SPATA6L: variants seen among roughly 807,000 people sequenced by gnomAD.
The protein encoded by SPATA6L is spermatogenesis associated 6 like, also known as spermatogenesis associated 6-like protein.
A neutral mutation model predicts 49.2 loss-of-function variants in SPATA6L; 68 were observed. The observed-to-expected ratio is 1.38, with a 90% CI of 1.14 to 1.69. The LOEUF (loss-of-function observed/expected upper bound fraction) is 1.69. Ranked by LOEUF, SPATA6L falls within the 40% of genes most tolerant of loss-of-function variation. SPATA6L has a pLI of 0.00. For missense variants in SPATA6L, 668 were observed against 464.3 expected (o/e 1.44, Z -4.03); for synonymous variants, 198 against 165.7 (o/e 1.19, Z -1.50).
intron 3 of SPATA6L, among the ~76,000 whole-genome samples, chr9:4,642,722 C>G (rs1752061781): frequency 2.0e-5 from 3 of 152,076 alleles, no homozygotes. Context: ...AAAGCACACA[C>G]CATAAAACAT....
chr9:4,603,211 C>T (rs1434029571), intron 11 of SPATA6L, among the ~76,000 whole-genome samples: 1 of 152,174 alleles, frequency 6.6e-6, no homozygotes, highest in Non-Finnish European at 1.5e-5. Context: ...GCAGGCAGAT[C>T]ACGAGGTCAG....
chr9:4,592,377 T>C (rs927270649), intron 13 of SPATA6L, among the ~76,000 whole-genome samples: 2 of 151,970 alleles, frequency 1.3e-5, no homozygotes, highest in Non-Finnish European at 2.9e-5. Context: ...GACGTTGGCA[T>C]TGCAATTACT....
At chr9:4,649,600 G>A (rs1219167905) in intron 3 of SPATA6L, among the ~76,000 whole-genome samples, 3 of 152,198 alleles carry the variant, frequency 2.0e-5, no homozygotes, top group African/African-American at 7.2e-5. Context: ...TCAGTTCTCA[G>A]GGACTGTCCT....
At position 4,662,838 on chromosome 9, in the gene SPATA6L, T is replaced by C; in HGVS notation, c.40-802A>G. The C allele has an allele frequency of 6.2e-7, 1 of 1,605,290 alleles. No homozygotes were observed. Among genetic ancestry groups the C allele is most frequent in the Non-Finnish European group, 8.5e-7 (1 of 1,179,950 alleles). On this transcript the variant is annotated intron_variant, in intron 1 of 11. Coordinates refer to ENST00000682582, the MANE Select transcript of SPATA6L (RefSeq NM_001353486.2). The surrounding 1 kb of genome is among the most constrained non-coding windows in gnomAD (Gnocchi z 4.9). Reference sequence around the variant, plus strand: ...GCTGCTGGGCACCCTCTACTGCCTGTGCAGGAGCGACAGCTGGGCCGGGCG... The same window carrying C: ...GCTGCTGGGCACCCTCTACTGCCTGCGCAGGAGCGACAGCTGGGCCGGGCG...
At chr9:4,655,294 C>A (rs72694090) in intron 3 of SPATA6L, among the ~76,000 whole-genome samples, 3,224 of 152,232 alleles carry the variant, frequency 0.021, 54 homozygotes, top group South Asian at 0.063. Flanking sequence ...CACAAAGGAG[C>A]ACATGTTGTA....
chr9:4,600,493 C>CGGAGAGAGAGAGAGAGAG lies in SPATA6L; in HGVS notation c.*317_*318insCTCTCTCTCTCTCTCTCC, dbSNP rs1822964936. On this transcript the variant is annotated 3_prime_UTR_variant, in exon 12 of 12. Transcript: ENST00000682582. ...AGAGACAGAGAGAGCCAGAGAGAGC[C>CGGAGAGAGAGAGAGAGAG]AGAGAGAGAGAGAGGGGAAGTGTTC... 7.5e-6 allele frequency: 1 copy of CGGAGAGAGAGAGAGAGAG among 133,686 alleles called. No homozygotes were observed. Among genetic ancestry groups the CGGAGAGAGAGAGAGAGAG allele is most frequent in the Non-Finnish European group, 1.7e-5 (1 of 60,426 alleles). 8.3% of individuals were successfully genotyped at this position (133,686 alleles called of 1,614,324 possible). A position where few individuals can be genotyped will look rare whatever the true frequency, so the allele number is the denominator to read the frequency against.
rs572233200 is a variant in SPATA6L, at chr9:4,653,268, T to C, written c.226+2773A>G. Among the ~76,000 whole-genome samples, 31 of 152,360 alleles carry C rather than the reference T, an allele frequency of 2.0e-4. 1 individual carries two copies. The East Asian group carries it at 3.7e-3, about 18-fold the overall frequency. On this transcript the variant is annotated intron_variant, in intron 3 of 11. Transcript: ENST00000682582. ...GACAATTCAATGAGGGAAAGAATGG[T>C]CTTTTATCAAATGGTGCTAAAACAA...
At position 4,662,322 on chromosome 9, in the gene SPATA6L, C is replaced by T. The variant is rs1587562632; in HGVS notation, c.40-286G>A. ...GCGGAAGCGGAAGAGGCTGCAGGGCCGGGAAGCCTCTGTTTGGTCCGGCCA... is the reference window on the plus strand; with the variant it reads ...GCGGAAGCGGAAGAGGCTGCAGGGCTGGGAAGCCTCTGTTTGGTCCGGCCA... On this transcript the variant is annotated intron_variant, in intron 1 of 11. Transcript: ENST00000682582. The surrounding 1 kb of genome is among the most constrained non-coding windows in gnomAD (Gnocchi z 4.9). 8.3e-6 allele frequency: 12 copies of T among 1,446,258 alleles called. No individual in the cohort carries two copies. The highest frequency in any genetic ancestry group is 1.1e-5 in the Non-Finnish European group (12 of 1,105,628). 89.6% of individuals were successfully genotyped at this position (1,446,258 alleles called of 1,614,324 possible). A position where few individuals can be genotyped will look rare whatever the true frequency, so the allele number is the denominator to read the frequency against.
intron 1 of SPATA6L, chr9:4,663,058 A>T: frequency 6.2e-7 from 1 of 1,613,740 alleles, no homozygotes; most frequent in Non-Finnish European, 8.5e-7. Context: ...ATCCTGAACC[A>T]CCTGGTGCTG....
rs563604285 is a variant in SPATA6L at position 4,648,891 on chromosome 9, AG to A, written c.226+7149del. ...CATTCTTCTGTTTTTGCATCCTCAT[AG>A]CTTAGCTCCCACTTATGAGTGAGAA... On this transcript the variant is annotated intron_variant, in intron 3 of 11. Transcript: ENST00000682582. Among the ~76,000 whole-genome samples the A allele has an allele frequency of 7.5e-4, 114 of 151,994 alleles. 1 individual carries two copies. The East Asian group carries it at 0.018, about 24-fold the overall frequency.
At chr9:4,606,007 AG>A (rs1374898271) in intron 9 of SPATA6L, among the ~76,000 whole-genome samples, 1 of 152,152 alleles carries the variant, frequency 6.6e-6, no homozygotes, top group Non-Finnish European at 1.5e-5. Context: ...GGGAAGCGCA[AG>A]GGGTCAGGCA....
chr9:4,631,485 ATAT>A lies in SPATA6L; in HGVS notation c.352-2320_352-2318del, dbSNP rs200635396. ...ATATTATCTGATAGATGAGACAGTA[ATAT>A]TATCTATTATCTAATGGATGAGACT... On this transcript the variant is annotated intron_variant, in intron 4 of 11. Coordinates refer to ENST00000682582, the MANE Select transcript of SPATA6L (RefSeq NM_001353486.2). 9.6e-3 allele frequency among the ~76,000 whole-genome samples: 1,461 copies of A among 152,144 alleles called. 19 individuals carry two copies. Among genetic ancestry groups the A allele is most frequent in the African/African-American group, 0.032 (1,336 of 41,510 alleles).
chr9:4,624,526 G>A (rs771163418), intron 6 of SPATA6L, among the ~76,000 whole-genome samples: 5 of 152,052 alleles, frequency 3.3e-5, no homozygotes, highest in African/African-American at 1.2e-4. Context: ...TCAGGAGTTC[G>A]AGACCAGCCT....
intron 9 of SPATA6L, among the ~76,000 whole-genome samples, chr9:4,609,480 G>T (rs1206118112): frequency 1.3e-5 from 2 of 152,144 alleles, no homozygotes; most frequent in East Asian, 1.9e-4. Flanking sequence ...GGGATGCAAG[G>T]CTAGTTCAAT....
chr9:4,608,899 C>T (rs1383877765), intron 9 of SPATA6L, among the ~76,000 whole-genome samples: 1 of 151,742 alleles, frequency 6.6e-6, no homozygotes, highest in Non-Finnish European at 1.5e-5. Context: ...AGACCACTAG[C>T]AAGACTAATA....
chr9:4,590,636 C>G (rs1401473041), intron 13 of SPATA6L, among the ~76,000 whole-genome samples: 1 of 152,142 alleles, frequency 6.6e-6, no homozygotes, highest in Non-Finnish European at 1.5e-5. Context: ...TAGGGGATTT[C>G]CACTGCTTTC....
chr9:4,637,000 C>T (rs889875655), intron 3 of SPATA6L, among the ~76,000 whole-genome samples: 1 of 152,158 alleles, frequency 6.6e-6, no homozygotes, highest in Non-Finnish European at 1.5e-5. Context: ...GTTTTAAATA[C>T]ATCAGACTGC....
intron 2 of SPATA6L, among the ~76,000 whole-genome samples, chr9:4,659,933 G>T (rs1025466494): frequency 6.6e-6 from 1 of 152,156 alleles, no homozygotes; most frequent in African/African-American, 2.4e-5. Flanking sequence ...ATGGGGAAAG[G>T]ATTCCCTATT....
intron 2 of SPATA6L, among the ~76,000 whole-genome samples, chr9:4,660,500 A>G (rs1839372612): frequency 6.6e-6 from 1 of 152,252 alleles, no homozygotes; most frequent in African/African-American, 2.4e-5. Context: ...TCACACAGTT[A>G]GAATGGCGAT....
Sources: allele counts gnomAD v4.1 joint callset (sites outside exome capture counted in the v4.1 genomes callset), GRCh38; gene constraint gnomAD v4.1.1; non-coding constraint Gnocchi (gnomAD v3.1); transcripts MANE v1.5; gene names NCBI Gene and HGNC (gene_info 2026-07-23, HGNC 2026-07-21).